RUNX2: variants seen among roughly 807,000 people sequenced by gnomAD.
The protein encoded by RUNX2 is runt-related transcription factor 2.
Under a neutral mutation model 51.7 loss-of-function variants are expected in RUNX2, and 10 were observed. The ratio of observed to expected loss-of-function variants is 0.19; its 90% CI spans 0.12 to 0.33. The LOEUF (loss-of-function observed/expected upper bound fraction) is 0.33. Among genes scored for constraint, RUNX2 ranks in the 10% least tolerant of loss-of-function variants. RUNX2 has a pLI of 1.00. For missense variants in RUNX2, 562 were observed against 691.3 expected (o/e 0.81, Z 2.10); for synonymous variants, 276 against 273.6 (o/e 1.01, Z -0.09).
intron 3 of RUNX2, among the ~76,000 whole-genome samples, chr6:45,423,338 C>T (rs1291697058): frequency 6.6e-6 from 1 of 152,174 alleles, no homozygotes; most frequent in Non-Finnish European, 1.5e-5. Context: ...CCACCCCGCC[C>T]CTTTCCCGGG....
At chr6:45,493,025 G>A (rs1471756879) in intron 6 of RUNX2, among the ~76,000 whole-genome samples, 1 of 152,062 alleles carries the variant, frequency 6.6e-6, no homozygotes, top group African/African-American at 2.4e-5. Context: ...TTAGATTTTT[G>A]TTTATAGTAG....
intron 7 of RUNX2, among the ~76,000 whole-genome samples, chr6:45,527,974 G>C (rs1277842910): frequency 6.6e-6 from 1 of 152,198 alleles, no homozygotes; most frequent in Non-Finnish European, 1.5e-5. Flanking sequence ...TGGACTCACA[G>C]TTCCACATGG....
chr6:45,470,045 A>G (rs1212021618), intron 5 of RUNX2, among the ~76,000 whole-genome samples: 3 of 152,238 alleles, frequency 2.0e-5, no homozygotes, highest in Admixed American at 2.0e-4. Flanking sequence ...CTGGAAAAGT[A>G]GATATTTTTT....
rs140460740 is a variant in RUNX2, at chr6:45,500,494, A to G, written c.859+8380A>G. ...AAGAATCAGATTGTGATCCATATAGAGAATATGAAAACTGAGGTGCTAGGA... is the reference window on the plus strand; with the variant it reads ...AAGAATCAGATTGTGATCCATATAGGGAATATGAAAACTGAGGTGCTAGGA... On this transcript the variant is annotated intron_variant, in intron 6 of 8. Coordinates refer to ENST00000647337, the MANE Select transcript of RUNX2 (RefSeq NM_001024630.4). Among the ~76,000 whole-genome samples the G allele has an allele frequency of 6.5e-3, 991 of 152,358 alleles. 5 individuals are homozygous for G. Among genetic ancestry groups the G allele is most frequent in the Non-Finnish European group, 9.6e-3 (656 of 68,038 alleles).
intron 3 of RUNX2, among the ~76,000 whole-genome samples, 189 bp from the exon 4 acceptor site, chr6:45,431,674 C>A: frequency 6.6e-6 from 1 of 152,184 alleles, no homozygotes; most frequent in Non-Finnish European, 1.5e-5. Context: ...AATGGGTGGA[C>A]CCTGAAACAT....
rs1050401442 is a variant in RUNX2, at chr6:45,545,315, G to T, written c.1087+33G>T. 7.1e-6 allele frequency: 11 copies of T among 1,542,546 alleles called. No individual in the cohort carries two copies. In the Admixed American group the frequency reaches 2.2e-4, roughly 30 times the overall value. ...TTTTAACAATTGCTGGGCTGGGCAG[G>T]GCTGGGCTGGGCTGGGCTGTCTGGT... On this transcript the variant is annotated intron_variant, in intron 8 of 8. Coordinates refer to ENST00000647337, the MANE Select transcript of RUNX2 (RefSeq NM_001024630.4).
chr6:45,415,756 C>T (rs761091692), intron 2 of RUNX2, among the ~76,000 whole-genome samples: 4 of 152,070 alleles, frequency 2.6e-5, no homozygotes, highest in South Asian at 2.1e-4. Flanking sequence ...ACGTCCCCAC[C>T]GACAAAACAT....
At chr6:45,527,926 C>A (rs867445118) in intron 7 of RUNX2, among the ~76,000 whole-genome samples, 2 of 151,968 alleles carry the variant, frequency 1.3e-5, no homozygotes, top group Non-Finnish European at 2.9e-5. Flanking sequence ...AAAGACATAC[C>A]CAAGAACTGA....
At chr6:45,467,009 C>T (rs144298037) in intron 5 of RUNX2, among the ~76,000 whole-genome samples, 2,306 of 152,262 alleles carry the variant, frequency 0.015, 29 homozygotes, top group Middle Eastern at 0.031. Flanking sequence ...GACTTGTCGC[C>T]TTCATTTCCT....
chr6:45,465,432 A>G (rs1799600847), intron 5 of RUNX2, among the ~76,000 whole-genome samples: 1 of 152,196 alleles, frequency 6.6e-6, no homozygotes, highest in East Asian at 1.9e-4. Flanking sequence ...AAAGGACTCT[A>G]ATTTTAGTAC....
intron 2 of RUNX2, among the ~76,000 whole-genome samples, chr6:45,338,297 C>T (rs975727938): frequency 4.0e-5 from 6 of 151,798 alleles, no homozygotes; most frequent in Non-Finnish European, 8.8e-5. Context: ...AGATTGTTCT[C>T]TCAAAAAAGG....
intron 2 of RUNX2, among the ~76,000 whole-genome samples, chr6:45,345,423 T>C (rs1005978502): frequency 3.3e-5 from 5 of 152,160 alleles, no homozygotes; most frequent in Admixed American, 6.5e-5. Context: ...TCAATTTCCA[T>C]TTTTTAATCC....
intron 2 of RUNX2, among the ~76,000 whole-genome samples, chr6:45,397,290 T>A (rs1320921680): frequency 6.6e-6 from 1 of 151,814 alleles, no homozygotes; most frequent in Non-Finnish European, 1.5e-5. Context: ...CTTTTTTTTT[T>A]AGTAGAGATG....
At chr6:45,447,390 C>T (rs1405104529) in intron 5 of RUNX2, among the ~76,000 whole-genome samples, 2 of 152,322 alleles carry the variant, frequency 1.3e-5, no homozygotes, top group African/African-American at 4.8e-5. Context: ...ATATCTCTCT[C>T]TTTTGCAAAT....
chr6:45,385,688 T>A (rs1463389022), intron 2 of RUNX2, among the ~76,000 whole-genome samples: 1 of 152,122 alleles, frequency 6.6e-6, no homozygotes, highest in African/African-American at 2.4e-5. Context: ...TCGCTTGAGG[T>A]CAGGTGTTCA....
chr6:45,523,563 G>T (rs932201606), intron 7 of RUNX2, among the ~76,000 whole-genome samples: 1 of 151,926 alleles, frequency 6.6e-6, no homozygotes, highest in East Asian at 2.0e-4. Context: ...GAGCCACTGC[G>T]CCCGGCCTGC....
At chr6:45,465,796 T>C (rs1799612907) in intron 5 of RUNX2, among the ~76,000 whole-genome samples, 1 of 151,306 alleles carries the variant, frequency 6.6e-6, no homozygotes, top group Non-Finnish European at 1.5e-5. Flanking sequence ...CCACCACGCC[T>C]GGCTAATTTT....
At chr6:45,419,306 A>T (rs1798126362) in intron 2 of RUNX2, among the ~76,000 whole-genome samples, 1 of 152,174 alleles carries the variant, frequency 6.6e-6, no homozygotes, top group East Asian at 1.9e-4. Flanking sequence ...CCATAGAAAT[A>T]ATCAATTCCC....
intron 7 of RUNX2, among the ~76,000 whole-genome samples, chr6:45,516,773 A>G (rs571158211): frequency 6.6e-6 from 1 of 152,348 alleles, no homozygotes; most frequent in Non-Finnish European, 1.5e-5. Context: ...GTGAGGCTTG[A>G]CACAAAGATT....
Sources: allele counts gnomAD v4.1 joint callset (sites outside exome capture counted in the v4.1 genomes callset), GRCh38; gene constraint gnomAD v4.1.1; transcripts MANE v1.5; gene names NCBI Gene and HGNC (gene_info 2026-07-23, HGNC 2026-07-21).